Variants in RANBP2 observed in about 807,000 individuals in gnomAD.
RANBP2 encodes the protein RAN binding protein 2.
Under a neutral mutation model 303.6 loss-of-function variants are expected in RANBP2, and 57 were observed. The ratio of observed to expected loss-of-function variants is 0.19; its 90% CI spans 0.15 to 0.23. The LOEUF is 0.23. RANBP2 is among the 10% of genes least tolerant of loss of function. The pLI, the probability that RANBP2 is intolerant of heterozygous loss-of-function variation, is 1.00. For synonymous variants in RANBP2, 1,167 were observed against 1,301.5 expected (o/e 0.90, Z 2.23); for missense variants, 3,138 against 3,780.8 (o/e 0.83, Z 4.46).
chr2:109,667,827 C>T, the RANBP2 span: 2 of 187,698 alleles, frequency 1.1e-5, no homozygotes, highest in Non-Finnish European at 2.4e-5. Flanking sequence ...TCAGAGGGTG[C>T]AGAAGGCCAA....
At chr2:109,617,890 G>T in the RANBP2 span, 1 of 160,848 alleles carries the variant, frequency 6.2e-6, no homozygotes, top group South Asian at 2.1e-4. Context: ...GTGGTGGTGC[G>T]TGCCTGTAGT....
At chr2:108,834,949 C>T in the RANBP2 span, among the ~76,000 whole-genome samples, 16 of 152,346 alleles carry the variant, frequency 1.1e-4, 1 homozygote, top group South Asian at 3.1e-3. Context: ...AGATTAATCA[C>T]TTCTAATTGA....
chr2:108,763,111 C>A, intron 19 of RANBP2, 126 bp from the exon 20 acceptor site: 2 of 1,128,112 alleles, frequency 1.8e-6, no homozygotes, highest in Non-Finnish European at 2.6e-6. Flanking sequence ...ATGATGTGTA[C>A]TACATCCCCT....
the RANBP2 span, among the ~76,000 whole-genome samples, chr2:109,051,473 A>C: frequency 6.6e-6 from 1 of 152,180 alleles, no homozygotes; most frequent in Non-Finnish European, 1.5e-5. Flanking sequence ...CCCCATACTC[A>C]CATGCAAGCG....
chr2:109,585,123 T>C, the RANBP2 span: 6 of 1,539,094 alleles, frequency 3.9e-6, no homozygotes, highest in Non-Finnish European at 5.3e-6. Context: ...AGAAAACACA[T>C]ACCTCTCTTC....
chr2:109,654,238 C>T, the RANBP2 span, among the ~76,000 whole-genome samples: 1 of 152,006 alleles, frequency 6.6e-6, no homozygotes, highest in Non-Finnish European at 1.5e-5. Flanking sequence ...CTCCCCTTAC[C>T]TAACCTTAAA....
the RANBP2 span, among the ~76,000 whole-genome samples, chr2:109,140,999 A>G: frequency 6.6e-6 from 1 of 152,078 alleles, no homozygotes; most frequent in Admixed American, 6.5e-5. Flanking sequence ...CATCCTGACA[A>G]CCAGACTCCT....
chr2:109,455,368 A>G, the RANBP2 span, among the ~76,000 whole-genome samples: 1 of 152,250 alleles, frequency 6.6e-6, no homozygotes, highest in Non-Finnish European at 1.5e-5. Context: ...GATGACCGAC[A>G]TAATCAAGAC....
downstream of RANBP2, chr2:108,786,675 C>T (rs1678787223): frequency 7.1e-6 from 5 of 699,514 alleles, no homozygotes; most frequent in South Asian, 1.7e-5. Context: ...GGGCTGCAGT[C>T]TCCGGGTCGC....
chr2:109,142,810 T>C, the RANBP2 span, among the ~76,000 whole-genome samples: 1,079 of 152,230 alleles, frequency 7.1e-3, 14 homozygotes, highest in Non-Finnish European at 0.011. Flanking sequence ...TGTCGGTAAA[T>C]GTGGGGAAAG....
the RANBP2 span, chr2:109,553,284 C>T: frequency 6.4e-7 from 1 of 1,558,696 alleles, no homozygotes; most frequent in Non-Finnish European, 8.7e-7. Context: ...GCGGCTCACG[C>T]CTGTAATCCC....
Position 108,730,831 on chromosome 2 carries a change from G to A in RANBP2, c.198G>A (p.Leu66=), listed in dbSNP as rs1269559318. 1.9e-6 allele frequency: 3 copies of A among 1,611,592 alleles called. No individual in the cohort carries two copies. The highest frequency in any genetic ancestry group is 1.7e-5 in the Admixed American group (1 of 59,996). Residue 66 remains leucine (L), a synonymous_variant, in exon 3 of 29, where the codon CTG becomes CTA. Coordinates refer to ENST00000283195, the MANE Select transcript of RANBP2 (RefSeq NM_006267.5). The stretch of plus-strand genomic sequence containing the variant: ...GGGATCCCAAAGCTCACAGATTTCT[G>A]GGTCTTCTTTATGAATTGGAAGAAA... ...QERDPKAHRF[L]GLLYELEENT...
At chr2:109,561,997 G>T in the RANBP2 span, among the ~76,000 whole-genome samples, 1 of 144,254 alleles carries the variant, frequency 6.9e-6, no homozygotes, top group East Asian at 2.4e-4. Context: ...CTGACCCCAA[G>T]GCCAGGAATT....
chr2:109,550,054 G>A, the RANBP2 span, among the ~76,000 whole-genome samples: 1 of 151,858 alleles, frequency 6.6e-6, no homozygotes, highest in South Asian at 2.1e-4. Flanking sequence ...TCTTTGGGAG[G>A]CCGAGGCAGG....
the RANBP2 span, among the ~76,000 whole-genome samples, chr2:109,196,164 G>A: frequency 1.3e-5 from 2 of 152,354 alleles, no homozygotes; most frequent in East Asian, 3.9e-4. Flanking sequence ...ATGGCTGGTT[G>A]GCCATGGCAG....
At chr2:109,688,070 C>T in the RANBP2 span, among the ~76,000 whole-genome samples, 1 of 152,024 alleles carries the variant, frequency 6.6e-6, no homozygotes, top group Non-Finnish European at 1.5e-5. Flanking sequence ...AAAATGACAC[C>T]CCAGGGTCTT....
chr2:108,911,944 T>C, the RANBP2 span, among the ~76,000 whole-genome samples: 1 of 152,290 alleles, frequency 6.6e-6, no homozygotes, highest in East Asian at 1.9e-4. Flanking sequence ...CTGGATGACA[T>C]AAGTGTTTTA....
the RANBP2 span, among the ~76,000 whole-genome samples, chr2:108,812,073 G>A: frequency 6.6e-6 from 1 of 152,056 alleles, no homozygotes; most frequent in Non-Finnish European, 1.5e-5. Context: ...AATCTAAAGA[G>A]AGATGTGCAA....
the RANBP2 span, among the ~76,000 whole-genome samples, chr2:108,902,496 T>G: frequency 6.6e-6 from 1 of 152,208 alleles, no homozygotes; most frequent in Non-Finnish European, 1.5e-5. Context: ...CGATCTTTTC[T>G]AGACATAGAA....
Sources: gnomAD v4.1 joint callset for allele counts (sites outside exome capture counted in the v4.1 genomes callset) on GRCh38, gnomAD v4.1.1 for gene constraint, MANE v1.5 for transcripts, NCBI Gene and HGNC (gene_info 2026-07-23, HGNC 2026-07-21) for gene names.